NDRG3: variants seen among roughly 807,000 people sequenced by gnomAD.
NDRG3 encodes NDRG family member 3.
A neutral mutation model predicts 57.2 loss-of-function variants in NDRG3; 23 were observed. The ratio of observed to expected loss-of-function variants is 0.40; its 90% CI spans 0.29 to 0.57. The LOEUF (loss-of-function observed/expected upper bound fraction) is 0.57. NDRG3 is among the 20% of genes least tolerant of loss of function. NDRG3 has a pLI of 0.42. For synonymous variants in NDRG3, 132 were observed against 162.6 expected, an observed-to-expected ratio of 0.81 and a Z score of 1.43; for missense variants, 384 against 457.3, an observed-to-expected ratio of 0.84 and a Z score of 1.46.
intron 9 of NDRG3, among the ~76,000 whole-genome samples, chr20:36,666,597 T>A (rs1434824492): frequency 6.6e-6 from 1 of 152,078 alleles, no homozygotes; most frequent in African/African-American, 2.4e-5. Flanking sequence ...CTGTGTCAGA[T>A]GAGGGCAGCA....
At chr20:36,738,086 C>T (rs1036457017) in intron 1 of NDRG3, among the ~76,000 whole-genome samples, 4 of 151,326 alleles carry the variant, frequency 2.6e-5, no homozygotes, top group African/African-American at 4.9e-5. Context: ...AAATTCTAAA[C>T]CCCATACAAA....
intron 1 of NDRG3, among the ~76,000 whole-genome samples, chr20:36,735,339 T>C (rs966116752): frequency 1.3e-5 from 2 of 152,222 alleles, no homozygotes; most frequent in Admixed American, 6.5e-5. Context: ...AGATTAGGGA[T>C]GCTCAACTGG....
At position 36,653,798 on chromosome 20, in the gene NDRG3, C is replaced by T; in HGVS notation, c.947-97G>A. On this transcript the variant is annotated intron_variant, in intron 15 of 15. Transcript: ENST00000349004. This position sits in a 1 kb window ranked among gnomAD's most constrained non-coding sequence, Gnocchi z 4.2. The stretch of plus-strand genomic sequence containing the variant: ...AAGTCTTTATGTTTAGCTTTTCCGA[C>T]TCATTTACCATGACACCCAGGACAA... The T allele has an allele frequency of 8.7e-7, 1 of 1,152,778 alleles. No homozygotes were observed. Among genetic ancestry groups the T allele is most frequent in the Non-Finnish European group, 1.2e-6 (1 of 814,144 alleles). The allele number at this position is 1,152,778 out of a possible 1,614,324, so 71.4% of individuals were successfully genotyped here. A position where few individuals can be genotyped will look rare whatever the true frequency, so the allele number is the denominator to read the frequency against.
intron 15 of NDRG3, 30 bp downstream of exon 15, chr20:36,656,330 T>G: frequency 6.2e-7 from 1 of 1,606,526 alleles, no homozygotes; most frequent in Non-Finnish European, 8.5e-7. Context: ...TCCTAAATCG[T>G]TGCTAGATAG....
chr20:36,718,839 C>A (rs1309272650), intron 2 of NDRG3, among the ~76,000 whole-genome samples: 1 of 152,060 alleles, frequency 6.6e-6, no homozygotes, highest in Non-Finnish European at 1.5e-5. Flanking sequence ...TGCCACCACA[C>A]CTGGATCATT....
At chr20:36,710,936 C>T (rs1367232726) in intron 2 of NDRG3, among the ~76,000 whole-genome samples, 11 of 149,012 alleles carry the variant, frequency 7.4e-5, no homozygotes, top group African/African-American at 2.5e-4. Flanking sequence ...GCTGAGACGG[C>T]GCCACTGCAC....
At chr20:36,739,263 A>G (rs1985790517) in intron 1 of NDRG3, among the ~76,000 whole-genome samples, 2 of 149,254 alleles carry the variant, frequency 1.3e-5, no homozygotes, top group Admixed American at 1.3e-4. Context: ...CCTGACCAAC[A>G]TGGTGAAACC....
intron 8 of NDRG3, among the ~76,000 whole-genome samples, chr20:36,675,512 G>A (rs142154339): frequency 0.021 from 3,180 of 150,674 alleles, 117 homozygotes; most frequent in African/African-American, 0.075. Context: ...TCAGCCTCCC[G>A]AGTAGCTGGG....
chr20:36,733,171 A>ATATATATAT (rs57063755), intron 1 of NDRG3, among the ~76,000 whole-genome samples: 6 of 33,174 alleles, frequency 1.8e-4, no homozygotes, highest in Non-Finnish European at 2.2e-4. Context: ...AAAAAAAAAA[A>ATATATATAT]ATATATATAT....
In NDRG3 at chr20:36,725,169, C is replaced by T. The variant is rs147201668; in HGVS notation, c.-48-3386G>A. On this transcript the variant is annotated intron_variant, in intron 1 of 15. Transcript: ENST00000349004. Reference sequence around the variant, plus strand: ...AAAATTAGACAGGTGTGGTGGTGCACGCCTGTAATCCCAGCTACTCAGGAG... The same window carrying T: ...AAAATTAGACAGGTGTGGTGGTGCATGCCTGTAATCCCAGCTACTCAGGAG... Among the ~76,000 whole-genome samples, 261 of 152,016 alleles carry T rather than the reference C, an allele frequency of 1.7e-3. 1 individual carries two copies. Among genetic ancestry groups the T allele is most frequent in the East Asian group, 0.01 (52 of 5,160 alleles).
chr20:36,736,730 G>C (rs1985627619), intron 1 of NDRG3, among the ~76,000 whole-genome samples: 2 of 152,230 alleles, frequency 1.3e-5, no homozygotes, highest in African/African-American at 2.4e-5. Flanking sequence ...AAACCACCCA[G>C]CTCCATGGAA....
chr20:36,685,481 T>C (rs1981702682), intron 5 of NDRG3, among the ~76,000 whole-genome samples: 1 of 152,058 alleles, frequency 6.6e-6, no homozygotes, highest in Admixed American at 6.6e-5. Flanking sequence ...TGGCTAATTT[T>C]TCAATTTTTT....
chr20:36,668,190 T>G (rs1979802303), intron 9 of NDRG3, among the ~76,000 whole-genome samples: 1 of 152,160 alleles, frequency 6.6e-6, no homozygotes, highest in African/African-American at 2.4e-5. Flanking sequence ...TGCAGCGAAC[T>G]AAGATGGCAC....
intron 3 of NDRG3, among the ~76,000 whole-genome samples, chr20:36,702,497 T>C (rs1289079207): frequency 6.6e-6 from 1 of 152,082 alleles, no homozygotes; most frequent in East Asian, 1.9e-4. Flanking sequence ...GTATGAGGCC[T>C]GGGTATAGTT....
In NDRG3 at chr20:36,746,088, G is replaced by GGCA; in HGVS notation, c.-93_-92insTGC. 1 of 204,068 alleles carries GGCA rather than the reference G, an allele frequency of 4.9e-6. No individual in the cohort carries two copies. 12.6% of individuals were successfully genotyped at this position (204,068 alleles called of 1,614,324 possible). ...CCGTCAGTGCAGCAGCAGCGGCGGC[G>GGCA]GCGGCGGCGGCGGCGGCGGCGGCGG... On this transcript the variant is annotated 5_prime_UTR_variant, in exon 1 of 16. Coordinates refer to ENST00000349004, the MANE Select transcript of NDRG3 (RefSeq NM_032013.4).
intron 8 of NDRG3, among the ~76,000 whole-genome samples, chr20:36,675,249 G>A (rs1032652478): frequency 2.0e-5 from 3 of 151,386 alleles, no homozygotes; most frequent in Admixed American, 6.6e-5. Flanking sequence ...TAGTAGAGAC[G>A]GGGTTTTGCC....
At chr20:36,654,049 T>C (rs191300489) in intron 15 of NDRG3, among the ~76,000 whole-genome samples, 163 of 152,292 alleles carry the variant, frequency 1.1e-3, no homozygotes, top group African/African-American at 3.8e-3. Flanking sequence ...CTACAGTGCA[T>C]GCAAGACTAA....
chr20:36,674,146 G>A (rs1369162846), intron 8 of NDRG3, among the ~76,000 whole-genome samples: 1 of 152,152 alleles, frequency 6.6e-6, no homozygotes, highest in East Asian at 1.9e-4. Flanking sequence ...CTGGTACACA[G>A]TAAGCACTAC....
In NDRG3 at chr20:36,681,615, G is replaced by A. The variant is rs186247650; in HGVS notation, c.445-713C>T. ...TGCACCACTGCACTCCAGCCTGGGC[G>A]ACACAGCAAGACTTCATCTCAAAAA... On this transcript the variant is annotated intron_variant, in intron 7 of 15. Coordinates refer to ENST00000349004, the MANE Select transcript of NDRG3 (RefSeq NM_032013.4). Among the ~76,000 whole-genome samples the A allele has an allele frequency of 1.6e-3, 208 of 129,426 alleles. 2 individuals are homozygous for A. In the East Asian group the frequency reaches 0.041, roughly 26 times the overall value. 84.9% of individuals were successfully genotyped at this position (129,426 alleles called of 152,430 possible).
Sources: allele counts gnomAD v4.1 joint callset (sites outside exome capture counted in the v4.1 genomes callset), GRCh38; gene constraint gnomAD v4.1.1; non-coding constraint Gnocchi (gnomAD v3.1); transcripts MANE v1.5; gene names NCBI Gene and HGNC (gene_info 2026-07-23, HGNC 2026-07-21).